Variants in PPIP5K2 observed in about 807,000 individuals in gnomAD.
PPIP5K2 encodes inositol hexakisphosphate and diphosphoinositol-pentakisphosphate kinase 2.
Under a neutral mutation model 154.6 loss-of-function variants are expected in PPIP5K2, and 105 were observed. The observed-to-expected ratio is 0.68, with a 90% CI of 0.58 to 0.80. PPIP5K2 has a LOEUF of 0.80. Among genes scored for constraint, PPIP5K2 ranks in the 30% least tolerant of loss-of-function variants. PPIP5K2 has a pLI of 0.00. For missense variants in PPIP5K2, 992 were observed against 1,504.6 expected (o/e 0.66, Z 5.64); for synonymous variants, 480 against 490.3 (o/e 0.98, Z 0.28).
Position 103,158,178 on chromosome 5 carries a change from T to C in PPIP5K2, c.1490-10T>C. 1 of 1,609,798 alleles carries C rather than the reference T, an allele frequency of 6.2e-7. No homozygotes were observed. The highest frequency in any genetic ancestry group is 8.5e-7 in the Non-Finnish European group (1 of 1,177,168). Reference sequence around the variant, plus strand: ...TTAACATTTGTTTTATTCATTCATATGTGTCATAGACAGCCGAAGAGAAGA... The same window carrying C: ...TTAACATTTGTTTTATTCATTCATACGTGTCATAGACAGCCGAAGAGAAGA... On this transcript the variant is annotated splice_polypyrimidine_tract_variant and intron_variant, in intron 14 of 30. Coordinates refer to ENST00000358359, the MANE Select transcript of PPIP5K2 (RefSeq NM_001276277.3).
At chr5:103,141,698 G>T (rs1293927507) in intron 5 of PPIP5K2, among the ~76,000 whole-genome samples, 1 of 152,166 alleles carries the variant, frequency 6.6e-6, no homozygotes, top group Non-Finnish European at 1.5e-5. Flanking sequence ...GTCGATTGGT[G>T]CATTCACAAA....
intron 2 of PPIP5K2, 145 bp downstream of exon 2, chr5:103,129,848 G>A: frequency 8.6e-7 from 1 of 1,169,278 alleles, no homozygotes; most frequent in Non-Finnish European, 1.1e-6. Flanking sequence ...AATCTATGAT[G>A]AATCAATAAA....
At position 103,212,597 on chromosome 5, in the gene PPIP5K2, G is replaced by T. The variant is rs566667437; in HGVS notation, c.*10963G>T. On this transcript the variant is annotated 3_prime_UTR_variant, in exon 31 of 31. Transcript: ENST00000358359. ...TTGGAGTATAAACTGCTGGAAATAAGGATGCTATTTAATAGACTCTCTTAG... is the reference window on the plus strand; with the variant it reads ...TTGGAGTATAAACTGCTGGAAATAATGATGCTATTTAATAGACTCTCTTAG... 6.6e-6 allele frequency: 1 copy of T among 152,054 alleles called. No homozygotes were observed. The highest frequency in any genetic ancestry group is 2.4e-5 in the African/African-American group (1 of 41,416). The allele number at this position is 152,054 out of a possible 1,614,324, so 9.4% of individuals were successfully genotyped here.
intron 5 of PPIP5K2, among the ~76,000 whole-genome samples, chr5:103,144,485 A>C (rs1554208487): frequency 6.6e-6 from 1 of 152,182 alleles, no homozygotes; most frequent in African/African-American, 2.4e-5. Context: ...CCTGAGCAAA[A>C]ACAACAAAAC....
chr5:103,147,241 A>G (rs1455149531), intron 6 of PPIP5K2, among the ~76,000 whole-genome samples: 3 of 151,976 alleles, frequency 2.0e-5, no homozygotes, highest in African/African-American at 7.2e-5. Context: ...AAATGCATAT[A>G]CATATAGAAA....
chr5:103,179,460 T>C (rs1471409185), intron 23 of PPIP5K2, among the ~76,000 whole-genome samples: 2 of 152,242 alleles, frequency 1.3e-5, no homozygotes, highest in East Asian at 3.9e-4. Context: ...TCTTGCAATC[T>C]GGGACTGTGT....
chr5:103,160,514 A>G (rs190921854), intron 17 of PPIP5K2, among the ~76,000 whole-genome samples: 180 of 152,338 alleles, frequency 1.2e-3, no homozygotes, highest in African/African-American at 4.2e-3. Flanking sequence ...TGTTTGCTGT[A>G]TTCCATTTCA....
chr5:103,191,151 A>G (rs1801168916), intron 29 of PPIP5K2, 169 bp downstream of exon 29: 1 of 491,598 alleles, frequency 2.0e-6, no homozygotes, highest in African/African-American at 2.0e-5. Flanking sequence ...TGTGAACTGT[A>G]CCTCTTTTTT....
intron 29 of PPIP5K2, among the ~76,000 whole-genome samples, chr5:103,191,394 T>G (rs1801213349): frequency 6.6e-6 from 1 of 152,070 alleles, no homozygotes; most frequent in Non-Finnish European, 1.5e-5. Context: ...TGGTAAGTAG[T>G]TAGAAAGAGC....
At chr5:103,162,378 G>A (rs1344591474) in intron 17 of PPIP5K2, among the ~76,000 whole-genome samples, 25 of 116,154 alleles carry the variant, frequency 2.2e-4, no homozygotes, top group African/African-American at 7.5e-4. Flanking sequence ...TTTTTGTTTT[G>A]TAGAGACAAT....
intron 11 of PPIP5K2, 82 bp downstream of exon 11, chr5:103,154,016 A>T (rs1367274326): frequency 9.7e-7 from 1 of 1,033,254 alleles, no homozygotes; most frequent in Non-Finnish European, 1.4e-6. Flanking sequence ...TGATTAATAC[A>T]TCATATAGAA....
chr5:103,138,219 T>C (rs1554205104), intron 4 of PPIP5K2, among the ~76,000 whole-genome samples, 165 bp from the exon 5 acceptor site: 1 of 152,208 alleles, frequency 6.6e-6, no homozygotes. Flanking sequence ...AATACCTTTT[T>C]TGAATATTCG....
At chr5:103,158,656 T>A in intron 16 of PPIP5K2, 83 bp downstream of exon 16, 6 of 1,177,220 alleles carry the variant, frequency 5.1e-6, no homozygotes, top group Non-Finnish European at 4.7e-6. Flanking sequence ...GCGCAGTGGC[T>A]TACACCTGTA....
intron 7 of PPIP5K2, 89 bp from the exon 8 acceptor site, chr5:103,149,063 A>G (rs910490065): frequency 2.7e-5 from 28 of 1,056,106 alleles, no homozygotes; most frequent in Non-Finnish European, 3.3e-5. Context: ...TTTTTTAGTA[A>G]TTTTTTCATT....
At chr5:103,126,113 C>T (rs1177731347) in intron 1 of PPIP5K2, among the ~76,000 whole-genome samples, 1 of 152,142 alleles carries the variant, frequency 6.6e-6, no homozygotes, top group Non-Finnish European at 1.5e-5. Flanking sequence ...AATGTTCACA[C>T]CATATAACCC....
chr5:103,170,996 G>T (rs1580327148), intron 19 of PPIP5K2, among the ~76,000 whole-genome samples: 1 of 151,376 alleles, frequency 6.6e-6, no homozygotes, highest in Middle Eastern at 3.2e-3. Flanking sequence ...ATATGTTCTG[G>T]TGTACTTCAA....
chr5:103,205,082 C>T lies in PPIP5K2; in HGVS notation c.*3448C>T, dbSNP rs1263504428. On this transcript the variant is annotated 3_prime_UTR_variant, in exon 31 of 31. Transcript: ENST00000358359. ...AAGTACTGTTCTCATTGTTCAGTTCCCTCTTATGAGTGAGAACATGCGGTG... is the reference window on the plus strand; with the variant it reads ...AAGTACTGTTCTCATTGTTCAGTTCTCTCTTATGAGTGAGAACATGCGGTG... 1 of 152,048 alleles carries T rather than the reference C, an allele frequency of 6.6e-6. No individual in the cohort carries two copies. Among genetic ancestry groups the T allele is most frequent in the African/African-American group, 2.4e-5 (1 of 41,372 alleles). 9.4% of individuals were successfully genotyped at this position (152,048 alleles called of 1,614,324 possible). A position where few individuals can be genotyped will look rare whatever the true frequency, so the allele number is the denominator to read the frequency against.
intron 30 of PPIP5K2, among the ~76,000 whole-genome samples, chr5:103,198,877 C>T (rs1416815644): frequency 2.0e-5 from 3 of 151,814 alleles, no homozygotes; most frequent in Admixed American, 6.6e-5. Context: ...CCTACTCTAC[C>T]TCATTTTGTA....
intron 28 of PPIP5K2, chr5:103,188,858 C>T (rs1580434457): frequency 4.0e-6 from 1 of 247,484 alleles, no homozygotes; most frequent in East Asian, 7.8e-5. Context: ...TTGGTTTAGG[C>T]TCTTTTTTAA....
Sources: allele counts gnomAD v4.1 joint callset (sites outside exome capture counted in the v4.1 genomes callset), GRCh38; gene constraint gnomAD v4.1.1; transcripts MANE v1.5; gene names NCBI Gene and HGNC (gene_info 2026-07-23, HGNC 2026-07-21).